Variants in RAB7A observed in about 807,000 individuals in gnomAD.
RAB7A encodes RAB7A, member RAS oncogene family.
In RAB7A, 2 loss-of-function variants were observed where a neutral mutation model predicts 24.5. The observed-to-expected ratio is 0.08, with a 90% CI of 0.03 to 0.26. The LOEUF is 0.26. Ranked by LOEUF, RAB7A falls within the 10% of genes least tolerant of loss-of-function variation. RAB7A has a pLI of 1.00. For missense variants in RAB7A, 118 were observed against 255.7 expected, an observed-to-expected ratio of 0.46 and a Z score of 3.67; for synonymous variants, 100 against 95.9, an observed-to-expected ratio of 1.04 and a Z score of -0.25.
chr3:128,764,258 T>C (rs1023317118), intron 1 of RAB7A, among the ~76,000 whole-genome samples: 3 of 152,158 alleles, frequency 2.0e-5, no homozygotes, highest in Non-Finnish European at 4.4e-5. Context: ...ACCACATTTC[T>C]GTCCTGTAAT....
intron 1 of RAB7A, among the ~76,000 whole-genome samples, chr3:128,793,742 G>T (rs1933510906): frequency 6.6e-6 from 1 of 152,204 alleles, no homozygotes; most frequent in Admixed American, 6.5e-5. Flanking sequence ...ATGGAAGACA[G>T]AACTCCAAGT....
intron 1 of RAB7A, among the ~76,000 whole-genome samples, chr3:128,746,578 G>C (rs1396163403): frequency 2.0e-5 from 3 of 151,552 alleles, no homozygotes; most frequent in Non-Finnish European, 4.4e-5. Flanking sequence ...TCCCAGGCTG[G>C]AGTGCAGTGG....
At chr3:128,776,604 A>G (rs1470999263) in intron 1 of RAB7A, among the ~76,000 whole-genome samples, 1 of 152,174 alleles carries the variant, frequency 6.6e-6, no homozygotes, top group African/African-American at 2.4e-5. Context: ...TTCTTGATCC[A>G]TTCGTCCATG....
At position 128,751,064 on chromosome 3, in the gene RAB7A, A is replaced by G. The variant is rs2070676193; in HGVS notation, c.-9+24705A>G. Among the ~76,000 whole-genome samples the G allele has an allele frequency of 1.3e-5, 2 of 152,192 alleles. 1 individual carries two copies. Among genetic ancestry groups the G allele is most frequent in the South Asian group, 4.1e-4 (2 of 4,828 alleles). ...TTGAGGTTTGGGAACCTCTGCCTAG[A>G]TTTCAGAGGATGCATTGAAATGCCT... On this transcript the variant is annotated intron_variant, in intron 1 of 5. Transcript: ENST00000265062.
intron 4 of RAB7A, among the ~76,000 whole-genome samples, chr3:128,806,847 C>T (rs542682476): frequency 6.6e-6 from 1 of 152,234 alleles, no homozygotes; most frequent in Non-Finnish European, 1.5e-5. Context: ...TCCCTTTCTG[C>T]ACTTTGAAGG....
intron 3 of RAB7A, among the ~76,000 whole-genome samples, chr3:128,803,500 T>G (rs951438219): frequency 5.9e-5 from 9 of 152,160 alleles, no homozygotes; most frequent in Non-Finnish European, 1.2e-4. Context: ...ACTGCCACTC[T>G]GCTCCCCAGT....
chr3:128,768,144 A>AT (rs1464361491), intron 1 of RAB7A, among the ~76,000 whole-genome samples: 1 of 152,008 alleles, frequency 6.6e-6, no homozygotes, highest in African/African-American at 2.4e-5. Flanking sequence ...ATTTTCTGGT[A>AT]TTTTGTATAA....
In RAB7A at chr3:128,747,073, G is replaced by A. The variant is rs964768415; in HGVS notation, c.-9+20714G>A. Among the ~76,000 whole-genome samples the A allele has an allele frequency of 8.8e-4, 134 of 151,638 alleles. 1 individual carries two copies. The highest frequency in any genetic ancestry group is 1.5e-3 in the Non-Finnish European group (103 of 67,992). ...TGTAATCCCAGCACTTTGGGAGGCC[G>A]AAGGGCAAAGATCACTGAGGCCAGG... is the stretch of plus-strand genomic sequence containing the variant. On this transcript the variant is annotated intron_variant, in intron 1 of 5. Transcript: ENST00000265062.
intron 1 of RAB7A, among the ~76,000 whole-genome samples, chr3:128,741,224 C>G (rs1307905989): frequency 6.6e-6 from 1 of 152,054 alleles, no homozygotes; most frequent in Non-Finnish European, 1.5e-5. Context: ...TTTCGTGTTG[C>G]AAACATTATT....
intron 1 of RAB7A, among the ~76,000 whole-genome samples, chr3:128,735,112 C>T (rs2070478749): frequency 6.6e-6 from 1 of 152,068 alleles, no homozygotes; most frequent in Non-Finnish European, 1.5e-5. Flanking sequence ...ACTGTTGGCC[C>T]CTGTGGAGAA....
intron 1 of RAB7A, among the ~76,000 whole-genome samples, chr3:128,747,660 G>A (rs1339582412): frequency 7.2e-5 from 11 of 151,736 alleles, no homozygotes; most frequent in Non-Finnish European, 1.6e-4. Flanking sequence ...CCACATACTT[G>A]GTTTATTTCT....
At position 128,763,208 on chromosome 3, in the gene RAB7A, A is replaced by ATTTTTTTT. The variant is rs1174944964; in HGVS notation, c.-8-32135_-8-32128dup. On this transcript the variant is annotated intron_variant, in intron 1 of 5. Coordinates refer to ENST00000265062, the MANE Select transcript of RAB7A (RefSeq NM_004637.6). ...TTAGCTTATATATATATATATATAT[A>ATTTTTTTT]TTTTTTTTTTTTTTTTTTTTTTTTG... Among the ~76,000 whole-genome samples, 24 of 76,060 alleles carry ATTTTTTTT rather than the reference A, an allele frequency of 3.2e-4. 1 individual carries two copies. Among genetic ancestry groups the ATTTTTTTT allele is most frequent in the African/African-American group, 9.0e-4 (11 of 12,252 alleles). The allele number at this position is 76,060 out of a possible 152,430, so 49.9% of individuals were successfully genotyped here.
chr3:128,805,738 C>A (rs1204896662), intron 3 of RAB7A, among the ~76,000 whole-genome samples: 2 of 152,046 alleles, frequency 1.3e-5, no homozygotes, highest in Non-Finnish European at 2.9e-5. Flanking sequence ...CCGCAACCTG[C>A]GCCTCCCAGG....
chr3:128,740,897 C>CAA (rs59043831), intron 1 of RAB7A, among the ~76,000 whole-genome samples: 9 of 79,566 alleles, frequency 1.1e-4, no homozygotes, highest in Non-Finnish European at 2.2e-4. Context: ...GGAGATGTCT[C>CAA]AAAAAAAAAA....
chr3:128,746,723 G>A (rs990015096), intron 1 of RAB7A, among the ~76,000 whole-genome samples: 1 of 151,646 alleles, frequency 6.6e-6, no homozygotes, highest in Admixed American at 6.6e-5. Context: ...TAGAGACGGG[G>A]TTTCACCATG....
chr3:128,771,931 A>G (rs141190113), intron 1 of RAB7A, among the ~76,000 whole-genome samples: 211 of 152,306 alleles, frequency 1.4e-3, no homozygotes, highest in African/African-American at 4.7e-3. Context: ...TAAACATATT[A>G]TATTTTGCTT....
intron 1 of RAB7A, among the ~76,000 whole-genome samples, chr3:128,728,513 A>G (rs1189013314): frequency 6.6e-6 from 1 of 152,116 alleles, no homozygotes; most frequent in Non-Finnish European, 1.5e-5. Context: ...CCCAGGCTAG[A>G]GTGCAATAGC....
chr3:128,795,362 T>G lies in RAB7A; in HGVS notation c.-6T>G. ...GATTTCTCCTTTTCCCCCTTTAGTT[T>G]GAAGGATGACCTCTAGGAAGAAAGT... On this transcript the variant is annotated splice_region_variant and 5_prime_UTR_variant, in exon 2 of 6. Coordinates refer to ENST00000265062, the MANE Select transcript of RAB7A (RefSeq NM_004637.6). 6.2e-7 allele frequency: 1 copy of G among 1,612,170 alleles called. No individual in the cohort carries two copies. The highest frequency in any genetic ancestry group is 1.1e-5 in the South Asian group (1 of 91,032).
intron 5 of RAB7A, among the ~76,000 whole-genome samples, chr3:128,808,045 A>G (rs921827706): frequency 2.0e-5 from 3 of 152,086 alleles, no homozygotes; most frequent in Admixed American, 6.5e-5. Context: ...ACCAATCGTT[A>G]TATCTAGTTT....
Sources: allele counts gnomAD v4.1 joint callset (sites outside exome capture counted in the v4.1 genomes callset), GRCh38; gene constraint gnomAD v4.1.1; transcripts MANE v1.5; gene names NCBI Gene and HGNC (gene_info 2026-07-23, HGNC 2026-07-21).